The following DOCK10 variants were observed in gnomAD, a reference collection of about 807,000 sequenced individuals.
DOCK10 encodes dedicator of cytokinesis 10.
Under a neutral mutation model 280.1 loss-of-function variants are expected in DOCK10, and 145 were observed. That is an observed-to-expected ratio of 0.52 (90% CI 0.45 to 0.59). The LOEUF (loss-of-function observed/expected upper bound fraction) is 0.59. DOCK10 is among the 20% of genes least tolerant of loss of function. The pLI, the probability that DOCK10 is intolerant of heterozygous loss-of-function variation, is 0.00. For synonymous variants in DOCK10, 915 were observed against 942.2 expected (o/e 0.97, Z 0.53); for missense variants, 2,368 against 2,651.7 (o/e 0.89, Z 2.35).
intron 1 of DOCK10, among the ~76,000 whole-genome samples, chr2:225,000,205 G>GACAC (rs773265503): frequency 2.4e-4 from 29 of 121,242 alleles, no homozygotes; most frequent in South Asian, 1.3e-3. Flanking sequence ...CACACACACA[G>GACAC]ACACACACAC....
Position 224,773,351 on chromosome 2 carries a change from T to C in DOCK10, c.6014-4A>G, listed in dbSNP as rs1312942424. 1.9e-6 allele frequency: 3 copies of C among 1,605,154 alleles called. No individual in the cohort carries two copies. The South Asian group carries it at 3.3e-5, about 18-fold the overall frequency. The stretch of plus-strand genomic sequence containing the variant: ...ACGTAGGGGAACAGGTGACTCGCTG[T>C]ACAAAAGCCATACAAAGGGATTTCA... On this transcript the variant is annotated splice_polypyrimidine_tract_variant and splice_region_variant and intron_variant, in intron 52 of 55. Coordinates refer to ENST00000258390, the MANE Select transcript of DOCK10 (RefSeq NM_014689.3).
chr2:225,017,803 T>C (rs1288694594), intron 1 of DOCK10, among the ~76,000 whole-genome samples: 1 of 152,178 alleles, frequency 6.6e-6, no homozygotes, highest in African/African-American at 2.4e-5. Context: ...AGGTTAATCA[T>C]TGATGAAATC....
At position 224,876,120 on chromosome 2, in the gene DOCK10, G is replaced by T; in HGVS notation, c.849C>A (p.His283Gln). 4 of 1,613,974 alleles carry T rather than the reference G, an allele frequency of 2.5e-6. No homozygotes were observed. The highest frequency in any genetic ancestry group is 3.4e-6 in the Non-Finnish European group (4 of 1,179,878). The change falls in exon 8 of 56, where the codon CAC becomes CAA. Residue 283 changes from histidine to glutamine, a missense_variant. By Grantham distance (24) the His-to-Gln change is conservative. Around this residue, in one of 2 missense-constraint regions of DOCK10, gnomAD observed 1,209 missense variants for 1,250.9 expected, o/e 0.97. Coordinates refer to ENST00000258390, the MANE Select transcript of DOCK10 (RefSeq NM_014689.3). ...TGATTTGCAGAATGCGGTTGAGGGT[G>T]TGGATCCATTCATCCATATCTGACT... The part of the protein sequence containing the change: ...ETESDMDEWI[H>Q]TLNRILQISP...
At chr2:224,958,262 G>A (rs1704167828) in intron 1 of DOCK10, among the ~76,000 whole-genome samples, 1 of 152,222 alleles carries the variant, frequency 6.6e-6, no homozygotes, top group African/African-American at 2.4e-5. Flanking sequence ...CGCTGCTACA[G>A]TGTATGGTTT....
At chr2:225,014,090 TTTTTTTTG>T (rs1162090852) in intron 1 of DOCK10, among the ~76,000 whole-genome samples, 88 of 103,724 alleles carry the variant, frequency 8.5e-4, no homozygotes, top group Admixed American at 1.9e-3. Context: ...TATTGTTTTT[TTTTTTTTG>T]TTTTTTTTTT....
chr2:225,009,077 C>G (rs2126295147), intron 1 of DOCK10, among the ~76,000 whole-genome samples: 1 of 152,212 alleles, frequency 6.6e-6, no homozygotes, highest in South Asian at 2.1e-4. Context: ...GATATGGGGC[C>G]AGCAGCCAAC....
chr2:224,770,982 G>C lies in DOCK10; in HGVS notation c.6205-337C>G, dbSNP rs948662200. On this transcript the variant is annotated intron_variant, in intron 53 of 55. Coordinates refer to ENST00000258390, the MANE Select transcript of DOCK10 (RefSeq NM_014689.3). This position sits in a 1 kb window ranked among gnomAD's most constrained non-coding sequence, Gnocchi z 4.5. ...AGACAGGGTCTCACTCTGTTGCCCAGGCTAGAGTGCAGTGGCATGATCACT... is the reference window on the plus strand; with the variant it reads ...AGACAGGGTCTCACTCTGTTGCCCACGCTAGAGTGCAGTGGCATGATCACT... Among the ~76,000 whole-genome samples, 5 of 151,920 alleles carry C rather than the reference G, an allele frequency of 3.3e-5. No individual in the cohort carries two copies. Among genetic ancestry groups the C allele is most frequent in the Admixed American group, 3.3e-4 (5 of 15,232 alleles).
At chr2:224,803,961 C>G in intron 39 of DOCK10, 151 bp downstream of exon 39, 1 of 548,790 alleles carries the variant, frequency 1.8e-6, no homozygotes, top group South Asian at 2.6e-5. Context: ...CATATAGTTA[C>G]TTGAAATCTG....
chr2:224,853,223 C>T (rs1696876215), intron 16 of DOCK10, 101 bp from the exon 17 acceptor site: 4 of 1,042,024 alleles, frequency 3.8e-6, no homozygotes, highest in African/African-American at 1.6e-5. Context: ...GATAGAAACT[C>T]CTGGCTTGTA....
chr2:224,837,323 C>T (rs982426704), intron 25 of DOCK10, among the ~76,000 whole-genome samples: 5 of 152,084 alleles, frequency 3.3e-5, no homozygotes, highest in African/African-American at 1.2e-4. Flanking sequence ...GAAGCAGGTA[C>T]AAATATACAG....
At chr2:224,846,820 TTTG>T (rs1485339231) in intron 19 of DOCK10, among the ~76,000 whole-genome samples, 1 of 152,198 alleles carries the variant, frequency 6.6e-6, no homozygotes, top group Non-Finnish European at 1.5e-5. Flanking sequence ...CTTTTTGATT[TTTG>T]TTGTTGTTCT....
chr2:224,849,535 T>C lies in DOCK10; in HGVS notation c.2207A>G (p.His736Arg). Residue 736 changes from histidine to arginine, a missense_variant, in exon 19 of 56, where the codon CAC (histidine) becomes CGC (arginine). Physicochemically the swap from His to Arg is conservative, Grantham distance 29. Coordinates refer to ENST00000258390, the MANE Select transcript of DOCK10 (RefSeq NM_014689.3). ...TSAAYTAVLH[H>R]SQNPDFSDEV... is the part of the protein sequence containing the mutation. ...ATCTGAGAAATCCGGATTCTGAGAG[T>C]GGTGCAGAACTGCTGTGTAGGCGGC... is the stretch of plus-strand genomic sequence containing the variant. 6.2e-7 allele frequency: 1 copy of C among 1,611,962 alleles called. No homozygotes were observed. Among genetic ancestry groups the C allele is most frequent in the South Asian group, 1.1e-5 (1 of 90,396 alleles).
rs796399862 is a variant in DOCK10 at position 225,014,090 on chromosome 2, T to A, written c.123+28162A>T. ...CCAGAAGTCTGAATATATTGTTTTT[T>A]TTTTTTTGTTTTTTTTTTTAAGAAA... On this transcript the variant is annotated intron_variant, in intron 1 of 55. Transcript: ENST00000258390. Among the ~76,000 whole-genome samples the A allele has an allele frequency of 1.6e-3, 165 of 103,728 alleles. 1 individual carries two copies. Among genetic ancestry groups the A allele is most frequent in the African/African-American group, 2.5e-3 (45 of 17,812 alleles). 68.0% of individuals were successfully genotyped at this position (103,728 alleles called of 152,430 possible). A position where few individuals can be genotyped will look rare whatever the true frequency, so the allele number is the denominator to read the frequency against.
intron 1 of DOCK10, among the ~76,000 whole-genome samples, chr2:225,005,578 A>C (rs751568992): frequency 2.0e-5 from 3 of 152,180 alleles, no homozygotes; most frequent in Non-Finnish European, 4.4e-5. Context: ...CTTTGACGTA[A>C]ACAGGACAAC....
intron 22 of DOCK10, among the ~76,000 whole-genome samples, chr2:224,843,771 C>T (rs1696144524): frequency 6.6e-6 from 1 of 152,166 alleles, no homozygotes; most frequent in African/African-American, 2.4e-5. Flanking sequence ...GTAAAATAAG[C>T]TGCCTTGCCA....
intron 50 of DOCK10, chr2:224,778,529 C>G (rs1286959366): frequency 7.7e-5 from 40 of 517,480 alleles, no homozygotes; most frequent in Non-Finnish European, 2.1e-5. Context: ...AAATATCTTA[C>G]AAATATTATT....
At chr2:224,823,738 G>T in intron 27 of DOCK10, 91 bp from the exon 28 acceptor site, 1 of 1,210,374 alleles carries the variant, frequency 8.3e-7, no homozygotes, top group Non-Finnish European at 1.1e-6. Flanking sequence ...TTATTTTATA[G>T]GTCATTAAAG....
chr2:224,931,727 C>T, intron 1 of DOCK10, 59 bp from the exon 2 acceptor site: 3 of 1,499,124 alleles, frequency 2.0e-6, no homozygotes, highest in Non-Finnish European at 2.7e-6. Flanking sequence ...CTTTTCTATG[C>T]CTGGTTGGAT....
intron 28 of DOCK10, among the ~76,000 whole-genome samples, chr2:224,821,625 T>C (rs1694509883): frequency 6.6e-6 from 1 of 152,186 alleles, no homozygotes; most frequent in Non-Finnish European, 1.5e-5. Flanking sequence ...AAATTAGTAA[T>C]AAGGAGGGTA....
Sources: gnomAD v4.1 joint callset for allele counts (sites outside exome capture counted in the v4.1 genomes callset) on GRCh38, gnomAD v4.1.1 for gene constraint, gnomAD v4.1.1 regional missense constraint, Gnocchi (gnomAD v3.1) non-coding constraint, MANE v1.5 for transcripts, NCBI Gene and HGNC (gene_info 2026-07-23, HGNC 2026-07-21) for gene names.